FGF21: variants seen among roughly 807,000 people sequenced by gnomAD.
The protein encoded by FGF21 is fibroblast growth factor 21.
In FGF21, 13 loss-of-function variants were observed where a neutral mutation model predicts 13.4. The ratio of observed to expected loss-of-function variants is 0.97; its 90% CI spans 0.63 to 1.54. The LOEUF (loss-of-function observed/expected upper bound fraction) is 1.54, where lower values mean the gene tolerates loss of function less well. Ranked by LOEUF, FGF21 falls within the 40% of genes most tolerant of loss-of-function variation. FGF21 has a pLI of 0.00. For synonymous variants in FGF21, 124 were observed against 123.6 expected, an observed-to-expected ratio of 1.00 and a Z score of -0.02; for missense variants, 303 against 272.4, an observed-to-expected ratio of 1.11 and a Z score of -0.79.
chr19:48,757,848 AGGCAGGGCTGG>A, intron 3 of FGF21, 71 bp from the exon 4 acceptor site: 1 of 1,362,478 alleles, frequency 7.3e-7, no homozygotes, highest in Non-Finnish European at 9.9e-7. Flanking sequence ...GGTCTGAGGG[AGGCAGGGCTGG>A]GGCCTGGATC....
At position 48,756,027 on chromosome 19, in the gene FGF21, C is replaced by T. The variant is rs193265932; in HGVS notation, c.-210C>T. 10 of 573,730 alleles carry T rather than the reference C, an allele frequency of 1.7e-5. No homozygotes were observed. The highest frequency in any genetic ancestry group is 7.5e-5 in the African/African-American group (4 of 53,322). 35.5% of individuals were successfully genotyped at this position (573,730 alleles called of 1,614,324 possible). A position where few individuals can be genotyped will look rare whatever the true frequency, so the allele number is the denominator to read the frequency against. ...TTCAGGCGCAGGGAGGGTGATTGGG[C>T]GGGCCTGTCTGGGTATAAATTCTGG... is the stretch of plus-strand genomic sequence containing the variant. On this transcript the variant is annotated 5_prime_UTR_variant, in exon 2 of 4. Transcript: ENST00000593756.
rs1313895716 is a variant in FGF21 at position 48,758,138 on chromosome 19, C to T, written c.548C>T (p.Pro183Leu). 2.3e-5 allele frequency: 37 copies of T among 1,611,440 alleles called. No homozygotes were observed. The highest frequency in any genetic ancestry group is 3.1e-5 in the Non-Finnish European group (37 of 1,179,400). Residue 183 changes from proline to leucine, a missense_variant, in exon 4 of 4, where the codon CCC (proline) becomes CTC (leucine). By Grantham distance (98) the Pro-to-Leu change is moderately conservative. Transcript: ENST00000593756. ...CCGGAGCCACCCGGAATCCTGGCCCCCCAGCCCCCCGATGTGGGCTCCTCG... is the reference window on the plus strand; with the variant it reads ...CCGGAGCCACCCGGAATCCTGGCCCTCCAGCCCCCCGATGTGGGCTCCTCG... ...ALPEPPGILA[P>L]QPPDVGSSDP...
chr19:48,757,081 C>A, intron 3 of FGF21, 52 bp downstream of exon 3: 1 of 1,404,962 alleles, frequency 7.1e-7, no homozygotes, highest in Admixed American at 1.7e-5. Flanking sequence ...CTATATGTCG[C>A]CCTCACAGCC....
At chr19:48,757,899 C>A (rs1312080373) in intron 3 of FGF21, 31 bp from the exon 4 acceptor site, 4 of 1,517,128 alleles carry the variant, frequency 2.6e-6, no homozygotes, top group Non-Finnish European at 2.6e-6. Context: ...AACAGAGGAA[C>A]CCTGTCTCTG....
In FGF21 at chr19:48,758,232, G is replaced by A; in HGVS notation, c.*12G>A. 6.3e-7 allele frequency: 1 copy of A among 1,586,312 alleles called. No homozygotes were observed. Among genetic ancestry groups the A allele is most frequent in the Non-Finnish European group, 8.5e-7 (1 of 1,171,712 alleles). On this transcript the variant is annotated 3_prime_UTR_variant, in exon 4 of 4. Coordinates refer to ENST00000593756, the MANE Select transcript of FGF21 (RefSeq NM_019113.4). Reference sequence around the variant, plus strand: ...GCTACGCTTCCTGAAGCCAGAGGCTGTTTACTATGACATCTCCTCTTTATT... The same window carrying A: ...GCTACGCTTCCTGAAGCCAGAGGCTATTTACTATGACATCTCCTCTTTATT...
rs2034142945 is a variant in FGF21 at position 48,758,151 on chromosome 19, T to C, written c.561T>C (p.Asp187=). Residue 187 remains aspartate (D), a synonymous_variant, in exon 4 of 4, where the codon GAT becomes GAC. Transcript: ENST00000593756. Reference sequence around the variant, plus strand: ...GAATCCTGGCCCCCCAGCCCCCCGATGTGGGCTCCTCGGACCCTCTGAGCA... The same window carrying C: ...GAATCCTGGCCCCCCAGCCCCCCGACGTGGGCTCCTCGGACCCTCTGAGCA... ...PPGILAPQPP[D]VGSSDPLSMV... is the part of the protein sequence containing the mutation. 1 of 1,612,150 alleles carries C rather than the reference T, an allele frequency of 6.2e-7. No individual in the cohort carries two copies. The highest frequency in any genetic ancestry group is 1.1e-5 in the South Asian group (1 of 90,998).
chr19:48,757,114 C>T, intron 3 of FGF21, 85 bp downstream of exon 3: 5 of 966,056 alleles, frequency 5.2e-6, no homozygotes, highest in South Asian at 4.3e-5. Context: ...TCTTGCTCAT[C>T]CCCCCCGGAG....
At position 48,756,442 on chromosome 19, in the gene FGF21, T is replaced by C. The variant is rs1599769841; in HGVS notation, c.206T>C (p.Val69Ala). 1 of 1,613,146 alleles carries C rather than the reference T, an allele frequency of 6.2e-7. No homozygotes were observed. Among genetic ancestry groups the C allele is most frequent in the Non-Finnish European group, 8.5e-7 (1 of 1,179,906 alleles). The change falls in exon 2 of 4, where the codon GTG becomes GCG. Residue 69 changes from valine (V) to alanine (A), a missense_variant. Coordinates refer to ENST00000593756, the MANE Select transcript of FGF21 (RefSeq NM_019113.4). The part of the protein sequence containing the change: ...AHLEIREDGT[V>A]GGAADQSPES... ...CTGGAGATCAGGGAGGATGGGACGG[T>C]GGGGGGCGCTGCTGACCAGAGCCCC...
chr19:48,757,617 C>T (rs1183967200), intron 3 of FGF21, among the ~76,000 whole-genome samples: 6 of 141,428 alleles, frequency 4.2e-5, no homozygotes, highest in Non-Finnish European at 7.7e-5. Flanking sequence ...GCCTGGACCC[C>T]TGGGTCTGAG....
intron 3 of FGF21, 56 bp downstream of exon 3, chr19:48,757,085 C>A: frequency 7.2e-7 from 1 of 1,388,084 alleles, no homozygotes; most frequent in Non-Finnish European, 1.0e-6. Context: ...ATGTCGCCCT[C>A]ACAGCCTGGG....
In FGF21 at chr19:48,756,255, G is replaced by C. The variant is rs143082272; in HGVS notation, c.19G>C (p.Gly7Arg). Reference protein sequence around the residue: MDSDETGFEHSGLWVSV... With the variant: MDSDETRFEHSGLWVSV... ...GCCATTGATGGACTCGGACGAGACC[G>C]GGTTCGAGCACTCAGGACTGTGGGT... is the stretch of plus-strand genomic sequence containing the variant. The change falls in exon 2 of 4, where the codon GGG becomes CGG. Residue 7 changes from glycine (G) to arginine (R), a missense_variant. Physicochemically the swap from Gly to Arg is moderately radical, Grantham distance 125. Transcript: ENST00000593756. 4.5e-5 allele frequency: 73 copies of C among 1,613,724 alleles called. No homozygotes were observed. Among genetic ancestry groups the C allele is most frequent in the Non-Finnish European group, 5.9e-5 (70 of 1,179,746 alleles).
rs1379988301 is a variant in FGF21 at position 48,757,976 on chromosome 19, A to G, written c.386A>G (p.Glu129Gly). The G allele has an allele frequency of 1.2e-6, 2 of 1,600,468 alleles. No homozygotes were observed. Among genetic ancestry groups the G allele is most frequent in the Non-Finnish European group, 1.7e-6 (2 of 1,173,148 alleles). Residue 129 changes from glutamate to glycine, a missense_variant, in exon 4 of 4, where the codon GAG (glutamate) becomes GGG (glycine). Physicochemically the swap from Glu to Gly is moderately conservative, Grantham distance 98 (BLOSUM62 -2). Coordinates refer to ENST00000593756, the MANE Select transcript of FGF21 (RefSeq NM_019113.4). Reference protein sequence around the residue: ...EACSFRELLLEDGYNVYQSEA... With the variant: ...EACSFRELLLGDGYNVYQSEA... Reference sequence around the variant, plus strand: ...TGCAGCTTCCGGGAGCTGCTTCTTGAGGACGGATACAATGTTTACCAGTCC... The same window carrying G: ...TGCAGCTTCCGGGAGCTGCTTCTTGGGGACGGATACAATGTTTACCAGTCC...
chr19:48,755,865 C>T (rs150241795), intron 1 of FGF21, 26 bp from the exon 2 acceptor site: 252 of 193,038 alleles, frequency 1.3e-3, no homozygotes, highest in African/African-American at 5.4e-3. Context: ...CCAGCTAACC[C>T]GATCCTCCCC....
In FGF21 at chr19:48,758,048, A is replaced by C. The variant is rs1315553668; in HGVS notation, c.458A>C (p.His153Pro). The change falls in exon 4 of 4, where the codon CAC (histidine) becomes CCC (proline). Residue 153 changes from histidine (H) to proline (P), a missense_variant. Transcript: ENST00000593756. ...PLHLPGNKSP[H>P]RDPAPRGPAR... ...CACCTGCCAGGGAACAAGTCCCCAC[A>C]CCGGGACCCTGCACCCCGAGGACCA... The C allele has an allele frequency of 6.2e-7, 1 of 1,613,194 alleles. No individual in the cohort carries two copies. The highest frequency in any genetic ancestry group is 1.7e-5 in the Admixed American group (1 of 59,994).
chr19:48,756,684 G>A (rs1181101393), intron 2 of FGF21, among the ~76,000 whole-genome samples: 2 of 151,482 alleles, frequency 1.3e-5, no homozygotes, highest in Non-Finnish European at 2.9e-5. Flanking sequence ...TGGGTCTGAG[G>A]GAGGAGGGGC....
rs1031534546 is a variant in FGF21 at position 48,755,778 on chromosome 19, G to A, written c.-353G>A. On this transcript the variant is annotated 5_prime_UTR_variant, in exon 1 of 4. Transcript: ENST00000593756. ...GGAGCCCAGCACCCCTCCTCCCTCC[G>A]ACTCAGGTGCTTGAGACCCCAGATC... is the stretch of plus-strand genomic sequence containing the variant. The A allele has an allele frequency of 2.5e-5, 4 of 158,904 alleles. No homozygotes were observed. Among genetic ancestry groups the A allele is most frequent in the Admixed American group, 1.3e-4 (2 of 15,972 alleles). The allele number at this position is 158,904 out of a possible 1,614,324, so 9.8% of individuals were successfully genotyped here. A position where few individuals can be genotyped will look rare whatever the true frequency, so the allele number is the denominator to read the frequency against.
rs2034146742 is a variant in FGF21 at position 48,758,284 on chromosome 19, T to A, written c.*64T>A. ...ATTAGGTTATTTATCTTATTTATTT[T>A]TTTATTTTTCTTACTTGAGATAATA... On this transcript the variant is annotated 3_prime_UTR_variant, in exon 4 of 4. Coordinates refer to ENST00000593756, the MANE Select transcript of FGF21 (RefSeq NM_019113.4). 4.3e-6 allele frequency: 6 copies of A among 1,384,368 alleles called. No individual in the cohort carries two copies. The highest frequency in any genetic ancestry group is 2.7e-4 in the Middle Eastern group (1 of 3,766). 85.8% of individuals were successfully genotyped at this position (1,384,368 alleles called of 1,614,324 possible). A position where few individuals can be genotyped will look rare whatever the true frequency, so the allele number is the denominator to read the frequency against.
Position 48,757,933 on chromosome 19 carries a change from C to T in FGF21, c.343C>T (p.His115Tyr), listed in dbSNP as rs750345629. Residue 115 changes from histidine (H) to tyrosine (Y), a missense_variant, in exon 4 of 4, where the codon CAC becomes TAC. Coordinates refer to ENST00000593756, the MANE Select transcript of FGF21 (RefSeq NM_019113.4). ...RPDGALYGSL[H>Y]FDPEACSFRE... ...TGATCCTGTTTTTGTCCCCTAGCTC[C>T]ACTTTGACCCTGAGGCCTGCAGCTT... is the stretch of plus-strand genomic sequence containing the variant. 8.4e-6 allele frequency: 13 copies of T among 1,547,872 alleles called. No individual in the cohort carries two copies. In the East Asian group the frequency reaches 2.3e-4, roughly 27 times the overall value.
chr19:48,755,663 C>T lies in FGF21; in HGVS notation c.-468C>T, dbSNP rs2034080960. On this transcript the variant is annotated 5_prime_UTR_variant, in exon 1 of 4. Transcript: ENST00000593756. ...AGGAACCTCAGTGTCAGATCACGCCCTCCCCCCAAACTTAGAAATTCAGAT... is the reference window on the plus strand; with the variant it reads ...AGGAACCTCAGTGTCAGATCACGCCTTCCCCCCAAACTTAGAAATTCAGAT... 6.6e-6 allele frequency: 1 copy of T among 152,360 alleles called. No individual in the cohort carries two copies. Among genetic ancestry groups the T allele is most frequent in the South Asian group, 2.1e-4 (1 of 4,832 alleles). The allele number at this position is 152,360 out of a possible 1,614,324, so 9.4% of individuals were successfully genotyped here.
Sources: gnomAD v4.1 joint callset for allele counts (sites outside exome capture counted in the v4.1 genomes callset) on GRCh38, gnomAD v4.1.1 for gene constraint, MANE v1.5 for transcripts, NCBI Gene and HGNC (gene_info 2026-07-23, HGNC 2026-07-21) for gene names.